The following BAZ2B variants were observed in gnomAD, a reference collection of about 807,000 sequenced individuals.
BAZ2B encodes bromodomain adjacent to zinc finger domain 2B.
In BAZ2B, 91 loss-of-function variants were observed where a neutral mutation model predicts 246.0. The ratio of observed to expected loss-of-function variants is 0.37; its 90% confidence interval spans 0.31 to 0.44. The LOEUF is 0.44. BAZ2B is among the 20% of genes least tolerant of loss of function. The probability of loss-of-function intolerance (pLI) is 1.00; values close to 1 mark genes in which losing one functional copy is unlikely to be tolerated. For synonymous variants in BAZ2B, 855 were observed against 860.0 expected (o/e 0.99, Z 0.10); for missense variants, 2,332 against 2,533.7 (o/e 0.92, Z 1.71).
At chr2:159,564,182 T>C (rs2033009) in intron 1 of BAZ2B, among the ~76,000 whole-genome samples, 148,335 of 152,292 alleles carry the variant, frequency 0.97, 72,371 homozygotes, top group East Asian at 1. Context: ...AAAAGGAACA[T>C]TCCAGATAGA....
intron 2 of BAZ2B, among the ~76,000 whole-genome samples, chr2:159,532,165 T>C (rs911023004): frequency 6.6e-6 from 1 of 152,186 alleles, no homozygotes; most frequent in Non-Finnish European, 1.5e-5. Context: ...ATAACATTTC[T>C]AGTTTTGTAC....
chr2:159,633,810 GGC>G, the BAZ2B span, among the ~76,000 whole-genome samples: 1 of 147,568 alleles, frequency 6.8e-6, no homozygotes, highest in African/African-American at 2.5e-5. Flanking sequence ...GCACGATCTC[GGC>G]TCACTGCAAC....
chr2:159,648,916 A>G, the BAZ2B span, among the ~76,000 whole-genome samples: 61,002 of 151,956 alleles, frequency 0.4, 12,764 homozygotes, highest in African/African-American at 0.5. Context: ...AAGTGGCTAT[A>G]ACATTTTACA....
intron 1 of BAZ2B, among the ~76,000 whole-genome samples, chr2:159,591,070 C>T (rs570325735): frequency 7.2e-5 from 11 of 152,180 alleles, no homozygotes; most frequent in African/African-American, 2.2e-4. Context: ...ACATTTTGTC[C>T]ACAGTGGGCT....
chr2:159,624,173 G>A, the BAZ2B span, among the ~76,000 whole-genome samples: 3 of 152,204 alleles, frequency 2.0e-5, no homozygotes, highest in African/African-American at 7.2e-5. Context: ...GGGCATCTCT[G>A]AAAAGAAGGC....
intron 2 of BAZ2B, among the ~76,000 whole-genome samples, chr2:159,543,494 A>G (rs1329872915): frequency 6.6e-6 from 1 of 151,736 alleles, no homozygotes; most frequent in Non-Finnish European, 1.5e-5. Flanking sequence ...TATATAAACA[A>G]ATAGCCCCAC....
chr2:159,670,146 T>C, the BAZ2B span, among the ~76,000 whole-genome samples: 1 of 152,092 alleles, frequency 6.6e-6, no homozygotes, highest in Non-Finnish European at 1.5e-5. Context: ...AATTTTTGTA[T>C]ATTTACTAGA....
intron 27 of BAZ2B, among the ~76,000 whole-genome samples, chr2:159,362,689 G>A (rs1409339859): frequency 6.6e-6 from 1 of 152,232 alleles, no homozygotes; most frequent in Non-Finnish European, 1.5e-5. Context: ...CCTGGGGACA[G>A]TGGTAATTCA....
At chr2:159,527,389 C>T (rs1026121924) in intron 2 of BAZ2B, among the ~76,000 whole-genome samples, 2 of 152,090 alleles carry the variant, frequency 1.3e-5, no homozygotes, top group Non-Finnish European at 2.9e-5. Context: ...TATTTCCTCC[C>T]AGTATGTAGT....
At chr2:159,452,148 C>A (rs188668921) in intron 4 of BAZ2B, among the ~76,000 whole-genome samples, 36 of 152,272 alleles carry the variant, frequency 2.4e-4, no homozygotes, top group Non-Finnish European at 4.0e-4. Context: ...AGCATCCCTG[C>A]TTCCCAGACA....
intron 3 of BAZ2B, among the ~76,000 whole-genome samples, chr2:159,475,224 C>G (rs1245331409): frequency 2.6e-5 from 4 of 152,100 alleles, no homozygotes; most frequent in Admixed American, 6.5e-5. Context: ...TCACATAGTC[C>G]TATATTTCTT....
intron 13 of BAZ2B, among the ~76,000 whole-genome samples, chr2:159,420,199 G>T (rs61280799): frequency 1.2e-3 from 175 of 152,118 alleles, no homozygotes; most frequent in Non-Finnish European, 2.2e-3. Flanking sequence ...GTACTGAAAG[G>T]TGTGTTCACA....
At chr2:159,470,788 T>C (rs1238600645) in intron 3 of BAZ2B, among the ~76,000 whole-genome samples, 1 of 152,160 alleles carries the variant, frequency 6.6e-6, no homozygotes, top group Non-Finnish European at 1.5e-5. Flanking sequence ...ATAGAGAATG[T>C]GAAGGAAACA....
rs774332999 is a variant in BAZ2B at position 159,405,122 on chromosome 2, A to G, written c.2678-8T>C. 1 of 1,613,256 alleles carries G rather than the reference A, an allele frequency of 6.2e-7. No homozygotes were observed. The highest frequency in any genetic ancestry group is 8.5e-7 in the Non-Finnish European group (1 of 1,179,684). On this transcript the variant is annotated splice_region_variant and splice_polypyrimidine_tract_variant and intron_variant, in intron 14 of 36. Transcript: ENST00000392783. ...CTGCTTGCCTGGCTATTTCTGAAAA[A>G]CACAAAATTTCAAAGAATATTAACA...
At chr2:159,535,480 C>T (rs1012267691) in intron 2 of BAZ2B, among the ~76,000 whole-genome samples, 2 of 152,168 alleles carry the variant, frequency 1.3e-5, no homozygotes, top group Non-Finnish European at 2.9e-5. Context: ...CAAGATTGCG[C>T]CATTGCACTT....
rs1218190065 is a variant in BAZ2B, at chr2:159,348,698, G to T, written c.5273C>A (p.Ala1758Asp). Residue 1758 changes from alanine (A) to aspartate (D), a missense_variant, in exon 30 of 37, where the codon GCC (alanine) becomes GAC (aspartate). This residue lies in a region of BAZ2B where 676 missense variants were observed against 668.6 expected (regional missense o/e 1.01). Transcript: ENST00000392783. ...IQKHLDYITQ[A>D]CLKNKDVAII... ...CACACCATCCTTATTCTTGAGGCAG[G>T]CTTGAGTAATATAATCCAAATGTTT... 15 of 1,604,960 alleles carry T rather than the reference G, an allele frequency of 9.3e-6. No homozygotes were observed. The highest frequency in any genetic ancestry group is 1.3e-5 in the Non-Finnish European group (15 of 1,177,836).
chr2:159,425,895 C>A (rs1448501947), intron 13 of BAZ2B, among the ~76,000 whole-genome samples: 1 of 152,136 alleles, frequency 6.6e-6, no homozygotes, highest in Non-Finnish European at 1.5e-5. Flanking sequence ...ATCACACAAT[C>A]CAGTATATAA....
intron 2 of BAZ2B, among the ~76,000 whole-genome samples, chr2:159,510,238 A>G (rs781672482): frequency 9.2e-5 from 14 of 152,148 alleles, no homozygotes; most frequent in Non-Finnish European, 1.9e-4. Context: ...GCTGGAGTGC[A>G]GTGGTGCGAT....
chr2:159,653,435 G>C, the BAZ2B span, among the ~76,000 whole-genome samples: 4 of 150,298 alleles, frequency 2.7e-5, no homozygotes, highest in South Asian at 8.5e-4. Context: ...AGCTGACCCA[G>C]ATATTCTATA....
Sources: allele counts gnomAD v4.1 joint callset (sites outside exome capture counted in the v4.1 genomes callset), GRCh38; gene constraint gnomAD v4.1.1; regional missense constraint gnomAD v4.1.1; transcripts MANE v1.5; gene names NCBI Gene and HGNC (gene_info 2026-07-23, HGNC 2026-07-21).